CNNM3: variants seen among roughly 807,000 people sequenced by gnomAD.
CNNM3 encodes the protein metal transporter CNNM3.
CNNM3 carries 47 observed loss-of-function variants against 57.1 expected under a neutral mutation model. That is an observed-to-expected ratio of 0.82 (90% CI 0.65 to 1.05). The LOEUF is 1.05. CNNM3 is among the 50% of genes least tolerant of loss of function. The pLI is 0.00. For synonymous variants in CNNM3, 507 were observed against 478.2 expected (o/e 1.06, Z -0.79); for missense variants, 957 against 973.7 (o/e 0.98, Z 0.23).
chr2:96,816,742 G>A lies in CNNM3; in HGVS notation c.465G>A (p.Gln155=), dbSNP rs1438946245. 131 of 1,015,304 alleles carry A rather than the reference G, an allele frequency of 1.3e-4. No individual in the cohort carries two copies. Among genetic ancestry groups the A allele is most frequent in the Non-Finnish European group, 1.5e-4 (126 of 851,730 alleles). The allele number at this position is 1,015,304 out of a possible 1,614,324, so 62.9% of individuals were successfully genotyped here. Residue 155 remains glutamine, a synonymous_variant, in exon 1 of 8, where the codon CAG becomes CAA. Coordinates refer to ENST00000305510, the MANE Select transcript of CNNM3 (RefSeq NM_017623.5). ...LALAALARGL[Q]LSALALAPAE... ...TGGCAGCGCTGGCGCGAGGCCTGCA[G>A]CTGAGCGCGCTGGCGCTGGCGCCTG...
intron 2 of CNNM3, among the ~76,000 whole-genome samples, chr2:96,826,460 C>T (rs557836742): frequency 9.9e-5 from 15 of 152,214 alleles, no homozygotes; most frequent in Non-Finnish European, 1.9e-4. Flanking sequence ...GTGATCCTCC[C>T]GCCTCAGCCT....
At chr2:96,836,167 T>C (rs1307498330), downstream of CNNM3, among the ~76,000 whole-genome samples, 1 of 148,122 alleles carries the variant, frequency 6.8e-6, no homozygotes, top group Non-Finnish European at 1.5e-5. Context: ...CACTGTATAC[T>C]TGACTTCTGG....
At position 96,835,061 on chromosome 2, in the gene CNNM3, C is replaced by A. The variant is rs1001044115; in HGVS notation, c.*2445C>A. 5.3e-5 allele frequency among the ~76,000 whole-genome samples: 8 copies of A among 152,192 alleles called. No individual in the cohort carries two copies. Among genetic ancestry groups the A allele is most frequent in the African/African-American group, 1.9e-4 (8 of 41,428 alleles). ...ACATCTGTGTAACTACCACTGCAAT[C>A]AGGATAAAGAAGTCCCATCCCCACA... On this transcript the variant is annotated 3_prime_UTR_variant, in exon 8 of 8. Coordinates refer to ENST00000305510, the MANE Select transcript of CNNM3 (RefSeq NM_017623.5).
At chr2:96,826,006 T>C (rs985066293) in intron 2 of CNNM3, among the ~76,000 whole-genome samples, 19 of 152,220 alleles carry the variant, frequency 1.2e-4, no homozygotes, top group Admixed American at 2.0e-4. Context: ...CTGTGCGTCA[T>C]GGCCGGGCCG....
intron 7 of CNNM3, among the ~76,000 whole-genome samples, chr2:96,830,236 C>T (rs1331212260): frequency 1.3e-5 from 2 of 151,966 alleles, no homozygotes; most frequent in African/African-American, 4.8e-5. Context: ...AGGCTTGCCT[C>T]CTCCCACCCC....
At chr2:96,817,543 G>A (rs1353193840) in intron 1 of CNNM3, 41 bp downstream of exon 1, 1 of 1,559,200 alleles carries the variant, frequency 6.4e-7, no homozygotes, top group Non-Finnish European at 8.8e-7. Flanking sequence ...CCGTGCGAGT[G>A]CCCTCTCCCT....
intron 2 of CNNM3, 37 bp from the exon 3 acceptor site, chr2:96,826,796 G>A (rs1234796830): frequency 1.2e-6 from 2 of 1,611,624 alleles, no homozygotes; most frequent in South Asian, 2.2e-5. Flanking sequence ...ACTGACAGGT[G>A]GCTGATGCCT....
chr2:96,829,761 C>A (rs781733964), intron 7 of CNNM3, among the ~76,000 whole-genome samples: 9 of 152,220 alleles, frequency 5.9e-5, no homozygotes, highest in Admixed American at 2.6e-4. Context: ...TTGACTTAAT[C>A]AGAGATTTGT....
intron 1 of CNNM3, among the ~76,000 whole-genome samples, chr2:96,820,588 T>C (rs2079390804): frequency 6.6e-6 from 1 of 152,084 alleles, no homozygotes; most frequent in Non-Finnish European, 1.5e-5. Flanking sequence ...CGGAATGTCC[T>C]GGAAGCTAAG....
intron 2 of CNNM3, 106 bp downstream of exon 2, chr2:96,825,307 A>G: frequency 7.3e-7 from 1 of 1,377,370 alleles, no homozygotes; most frequent in Non-Finnish European, 9.8e-7. Flanking sequence ...GAACCCAGCA[A>G]GATCCACAGC....
chr2:96,832,886 C>G lies in CNNM3; in HGVS notation c.*270C>G. The G allele has an allele frequency of 2.7e-6, 4 of 1,480,142 alleles. No individual in the cohort carries two copies. The highest frequency in any genetic ancestry group is 2.7e-6 in the Non-Finnish European group (3 of 1,111,966). The allele number at this position is 1,480,142 out of a possible 1,614,324, so 91.7% of individuals were successfully genotyped here. A position where few individuals can be genotyped will look rare whatever the true frequency, so the allele number is the denominator to read the frequency against. ...AGGAATGAAAGGAATGCCATCATCTCTAGTTCCCAGGGCCCAGCCTTCCCC... is the reference window on the plus strand; with the variant it reads ...AGGAATGAAAGGAATGCCATCATCTGTAGTTCCCAGGGCCCAGCCTTCCCC... On this transcript the variant is annotated 3_prime_UTR_variant, in exon 8 of 8. Coordinates refer to ENST00000305510, the MANE Select transcript of CNNM3 (RefSeq NM_017623.5).
At chr2:96,832,033 C>T in intron 7 of CNNM3, 1 of 987,936 alleles carries the variant, frequency 1.0e-6, no homozygotes, top group Non-Finnish European at 1.2e-6. Context: ...TGACTGTGGA[C>T]TAGTGCGCGT....
rs1265182132 is a variant in CNNM3 at position 96,833,797 on chromosome 2, T to C, written c.*1181T>C. 6.6e-6 allele frequency: 1 copy of C among 152,220 alleles called. No homozygotes were observed. The highest frequency in any genetic ancestry group is 1.5e-5 in the Non-Finnish European group (1 of 68,046). The allele number at this position is 152,220 out of a possible 1,614,324, so 9.4% of individuals were successfully genotyped here. A position where few individuals can be genotyped will look rare whatever the true frequency, so the allele number is the denominator to read the frequency against. ...TCAAAGGAATTTGGACCCTTATAAA[T>C]GGGACTGAAGGTCAAAACAACAGTG... On this transcript the variant is annotated 3_prime_UTR_variant, in exon 8 of 8. Coordinates refer to ENST00000305510, the MANE Select transcript of CNNM3 (RefSeq NM_017623.5).
intron 2 of CNNM3, among the ~76,000 whole-genome samples, chr2:96,826,324 C>T (rs934582882): frequency 2.6e-5 from 4 of 152,062 alleles, no homozygotes; most frequent in African/African-American, 7.2e-5. Flanking sequence ...GTGTTCCTCC[C>T]ACCTCAGCCT....
chr2:96,826,763 A>T, intron 2 of CNNM3, 70 bp from the exon 3 acceptor site: 1 of 1,566,704 alleles, frequency 6.4e-7, no homozygotes, highest in Non-Finnish European at 8.7e-7. Context: ...CAGGCGATGC[A>T]GCCCCTTAGT....
In CNNM3 at chr2:96,816,812, G is replaced by A; in HGVS notation, c.535G>A (p.Ala179Thr). The A allele has an allele frequency of 3.9e-6, 4 of 1,028,608 alleles. No individual in the cohort carries two copies. The highest frequency in any genetic ancestry group is 4.6e-6 in the Non-Finnish European group (4 of 860,984). 63.7% of individuals were successfully genotyped at this position (1,028,608 alleles called of 1,614,324 possible). A position where few individuals can be genotyped will look rare whatever the true frequency, so the allele number is the denominator to read the frequency against. ...CGAGAGCGGCTCGGAGGCGGAGCGT[G>A]CGGCGGCGCGGCGTTTGGAGCCCGC... ...LRESGSEAER[A>T]AARRLEPARR... Residue 179 changes from alanine (A) to threonine (T), a missense_variant, in exon 1 of 8, where the codon GCG becomes ACG. Transcript: ENST00000305510.
At chr2:96,832,460 C>T in intron 7 of CNNM3, 92 bp from the exon 8 acceptor site, 1 of 1,592,438 alleles carries the variant, frequency 6.3e-7, no homozygotes, top group Non-Finnish European at 8.6e-7. Flanking sequence ...GTCTTAGCTG[C>T]CCCTTCCTGT....
At position 96,816,969 on chromosome 2, in the gene CNNM3, T is replaced by C. The variant is rs1420093859; in HGVS notation, c.692T>C (p.Leu231Pro). The C allele has an allele frequency of 7.4e-7, 1 of 1,346,500 alleles. No individual in the cohort carries two copies. The highest frequency in any genetic ancestry group is 1.4e-5 in the South Asian group (1 of 69,334). The allele number at this position is 1,346,500 out of a possible 1,614,324, so 83.4% of individuals were successfully genotyped here. Reference sequence around the variant, plus strand: ...CCCGCCGTGTTGGGCAGCGCGGGGCTCGTGTTCCTGGTGGGAGAGGTGGTG... The same window carrying C: ...CCCGCCGTGTTGGGCAGCGCGGGGCCCGTGTTCCTGGTGGGAGAGGTGGTG... ...AVPAVLGSAG[L>P]VFLVGEVVPA... Residue 231 changes from leucine to proline, a missense_variant, in exon 1 of 8, where the codon CTC becomes CCC. Around this residue, in one of 2 missense-constraint regions of CNNM3, gnomAD observed 466 missense variants for 403.1 expected, o/e 1.16. Coordinates refer to ENST00000305510, the MANE Select transcript of CNNM3 (RefSeq NM_017623.5).
intron 1 of CNNM3, among the ~76,000 whole-genome samples, chr2:96,818,711 A>T (rs531848588): frequency 2.6e-5 from 4 of 152,186 alleles, no homozygotes; most frequent in African/African-American, 9.6e-5. Flanking sequence ...CTCCAACATC[A>T]TCCTTAGTGG....
Sources: gnomAD v4.1 joint callset for allele counts (sites outside exome capture counted in the v4.1 genomes callset) on GRCh38, gnomAD v4.1.1 for gene constraint, gnomAD v4.1.1 regional missense constraint, MANE v1.5 for transcripts, NCBI Gene and HGNC (gene_info 2026-07-23, HGNC 2026-07-21) for gene names.